MAP3K5: variants seen among roughly 807,000 people sequenced by gnomAD.
MAP3K5 encodes ASK-1.
A neutral mutation model predicts 158.7 loss-of-function variants in MAP3K5; 56 were observed. The ratio of observed to expected loss-of-function variants is 0.35; its 90% CI spans 0.28 to 0.44. The LOEUF is 0.44. MAP3K5 is among the 20% of genes least tolerant of loss of function. The pLI, the probability that MAP3K5 is intolerant of heterozygous loss-of-function variation, is 1.00. For missense variants in MAP3K5, 1,294 were observed against 1,674.8 expected (o/e 0.77, Z 3.97); for synonymous variants, 579 against 601.7 (o/e 0.96, Z 0.55).
intron 1 of MAP3K5, among the ~76,000 whole-genome samples, chr6:136,788,462 A>T (rs567734081): frequency 9.9e-5 from 15 of 152,244 alleles, no homozygotes; most frequent in Non-Finnish European, 1.9e-4. Flanking sequence ...ACACAACAAG[A>T]GACACTATTA....
chr6:136,576,303 G>C (rs1402567671), intron 25 of MAP3K5, among the ~76,000 whole-genome samples: 2 of 151,996 alleles, frequency 1.3e-5, no homozygotes, highest in African/African-American at 4.8e-5. Flanking sequence ...ATCACAAGGT[G>C]TTCCAGGTAT....
chr6:136,684,666 C>G (rs1442208321), intron 7 of MAP3K5, among the ~76,000 whole-genome samples: 1 of 152,148 alleles, frequency 6.6e-6, no homozygotes, highest in Non-Finnish European at 1.5e-5. Flanking sequence ...CTCCTCCCAG[C>G]TTCTCACCCT....
intron 1 of MAP3K5, among the ~76,000 whole-genome samples, chr6:136,788,993 T>A (rs1031311051): frequency 6.6e-6 from 1 of 152,108 alleles, no homozygotes; most frequent in African/African-American, 2.4e-5. Context: ...AAACATTGGG[T>A]ACAAGTAAAC....
intron 1 of MAP3K5, among the ~76,000 whole-genome samples, chr6:136,731,579 T>A (rs1782225518): frequency 6.6e-6 from 1 of 152,190 alleles, no homozygotes; most frequent in Non-Finnish European, 1.5e-5. Context: ...CTTCACTTCA[T>A]CATATCTGCA....
chr6:136,785,024 T>C (rs1046278711), intron 1 of MAP3K5, among the ~76,000 whole-genome samples: 2 of 152,206 alleles, frequency 1.3e-5, no homozygotes, highest in Admixed American at 1.3e-4. Flanking sequence ...TGGGAACCAC[T>C]ATTTAGGACA....
At chr6:136,747,429 T>C (rs952613568) in intron 1 of MAP3K5, among the ~76,000 whole-genome samples, 6 of 152,208 alleles carry the variant, frequency 3.9e-5, no homozygotes, top group Admixed American at 3.9e-4. Context: ...AGGGAGCCAA[T>C]GCCCATTAAA....
chr6:136,596,021 G>A (rs1214610994), intron 21 of MAP3K5, among the ~76,000 whole-genome samples: 1 of 152,046 alleles, frequency 6.6e-6, no homozygotes, highest in East Asian at 1.9e-4. Context: ...AAAAGCAATT[G>A]GATATGAGTC....
chr6:136,637,068 A>C (rs1443644283), intron 14 of MAP3K5: 70 of 1,300,920 alleles, frequency 5.4e-5, no homozygotes, highest in Non-Finnish European at 6.8e-5. Flanking sequence ...ATGCATTGAC[A>C]CTGTCATAGA....
intron 21 of MAP3K5, among the ~76,000 whole-genome samples, chr6:136,595,999 T>C (rs12176159): frequency 0.03 from 4,495 of 152,074 alleles, 120 homozygotes; most frequent in East Asian, 0.075. Flanking sequence ...CAAGACTCCA[T>C]CTAAAAAAGA....
intron 2 of MAP3K5, among the ~76,000 whole-genome samples, chr6:136,706,334 A>G (rs1246287864): frequency 6.6e-6 from 1 of 152,154 alleles, no homozygotes; most frequent in Non-Finnish European, 1.5e-5. Flanking sequence ...AGATTGAGTG[A>G]GATCATACAA....
intron 1 of MAP3K5, among the ~76,000 whole-genome samples, chr6:136,762,539 G>C (rs1783804769): frequency 6.6e-6 from 1 of 152,080 alleles, no homozygotes; most frequent in Non-Finnish European, 1.5e-5. Context: ...GGGTAAGGGG[G>C]GAAGAGAGCT....
chr6:136,766,881 CAA>C, intron 1 of MAP3K5, among the ~76,000 whole-genome samples: 1 of 152,076 alleles, frequency 6.6e-6, no homozygotes, highest in South Asian at 2.1e-4. Flanking sequence ...TTTTTTCTTA[CAA>C]AAATCAGAGT....
chr6:136,756,887 G>C (rs1454584228), intron 1 of MAP3K5, among the ~76,000 whole-genome samples: 1 of 152,170 alleles, frequency 6.6e-6, no homozygotes, highest in African/African-American at 2.4e-5. Flanking sequence ...ATCTCATTAG[G>C]AAGACTGACC....
chr6:136,687,919 G>C (rs1780220118), intron 7 of MAP3K5, among the ~76,000 whole-genome samples: 1 of 152,102 alleles, frequency 6.6e-6, no homozygotes, highest in African/African-American at 2.4e-5. Context: ...CCCATTATTG[G>C]TATATACCCA....
chr6:136,571,756 T>G (rs1393999479), intron 25 of MAP3K5, among the ~76,000 whole-genome samples: 4 of 152,232 alleles, frequency 2.6e-5, no homozygotes, highest in African/African-American at 7.2e-5. Flanking sequence ...TTAGTTTTTT[T>G]GAATATACAC....
Position 136,657,043 on chromosome 6 carries a change from C to T in MAP3K5, c.1527-583G>A, listed in dbSNP as rs181805584. Reference sequence around the variant, plus strand: ...CTTGGTAACTTGGACTAGGGCCATACATCTAGTTAAAACTTGAACTTTAAA... The same window carrying T: ...CTTGGTAACTTGGACTAGGGCCATATATCTAGTTAAAACTTGAACTTTAAA... On this transcript the variant is annotated intron_variant, in intron 9 of 29. Transcript: ENST00000359015. Among the ~76,000 whole-genome samples the T allele has an allele frequency of 3.0e-3, 451 of 152,326 alleles. 4 individuals carry two copies. The highest frequency in any genetic ancestry group is 3.9e-3 in the Non-Finnish European group (265 of 68,028).
chr6:136,629,610 A>T (rs1287018000), intron 14 of MAP3K5, among the ~76,000 whole-genome samples: 1 of 151,884 alleles, frequency 6.6e-6, no homozygotes, highest in African/African-American at 2.4e-5. Flanking sequence ...GCCCGCCACC[A>T]CACCCAGCTA....
At chr6:136,742,287 A>T (rs1407082672) in intron 1 of MAP3K5, among the ~76,000 whole-genome samples, 4 of 152,206 alleles carry the variant, frequency 2.6e-5, no homozygotes, top group African/African-American at 9.6e-5. Flanking sequence ...CTACAGAAAT[A>T]GATCAACGGA....
rs141072470 is a variant in MAP3K5, at chr6:136,613,804, C to G, written c.2278+355G>C. Among the ~76,000 whole-genome samples the G allele has an allele frequency of 1.1e-4, 16 of 151,978 alleles. No homozygotes were observed. The East Asian group carries it at 3.1e-3, about 29-fold the overall frequency. On this transcript the variant is annotated intron_variant, in intron 16 of 29. Coordinates refer to ENST00000359015, the MANE Select transcript of MAP3K5 (RefSeq NM_005923.4). This position sits in a 1 kb window ranked among gnomAD's most constrained non-coding sequence, Gnocchi z 4.0. ...GCCTTGGAATACAGCAAGCTGTAAC[C>G]ACTTAAATGTAATGACTTTGGGTAG...
Sources: allele counts gnomAD v4.1 joint callset (sites outside exome capture counted in the v4.1 genomes callset), GRCh38; gene constraint gnomAD v4.1.1; non-coding constraint Gnocchi (gnomAD v3.1); transcripts MANE v1.5; gene names NCBI Gene and HGNC (gene_info 2026-07-23, HGNC 2026-07-21).